The following ADAMTSL1 variants were observed in gnomAD, a reference collection of about 807,000 sequenced individuals.
ADAMTSL1 encodes the protein ADAMTS-like protein 1.
In ADAMTSL1, 126 loss-of-function variants were observed where a neutral mutation model predicts 201.8. The observed-to-expected ratio is 0.62, with a 90% CI of 0.54 to 0.72. The LOEUF is 0.72. Ranked by LOEUF, ADAMTSL1 falls within the 30% of genes least tolerant of loss-of-function variation. ADAMTSL1 has a pLI of 0.00. For synonymous variants in ADAMTSL1, 1,121 were observed against 903.4 expected, an observed-to-expected ratio of 1.24 and a Z score of -4.32; for missense variants, 2,679 against 2,277.8, an observed-to-expected ratio of 1.18 and a Z score of -3.59.
intron 1 of ADAMTSL1, among the ~76,000 whole-genome samples, chr9:18,479,162 A>C (rs1044445676): frequency 2.0e-5 from 3 of 152,192 alleles, no homozygotes; most frequent in Non-Finnish European, 4.4e-5. Context: ...CCGAACTTCA[A>C]GATTAAAACC....
chr9:18,462,381 G>T (rs563695299), intron 2 of ADAMTSL1, among the ~76,000 whole-genome samples: 1 of 152,238 alleles, frequency 6.6e-6, no homozygotes, highest in East Asian at 1.9e-4. Context: ...GCTACATACT[G>T]GGGTACAGTG....
At chr9:18,546,277 C>A (rs1446618392) in intron 3 of ADAMTSL1, among the ~76,000 whole-genome samples, 1 of 152,006 alleles carries the variant, frequency 6.6e-6, no homozygotes, top group African/African-American at 2.4e-5. Flanking sequence ...ATATGGTCAT[C>A]ACAGTGGGAA....
At chr9:18,134,130 C>T (rs1826061071) in intron 1 of ADAMTSL1, among the ~76,000 whole-genome samples, 5 of 152,278 alleles carry the variant, frequency 3.3e-5, no homozygotes, top group East Asian at 1.9e-4. Flanking sequence ...TAGTTTGGCA[C>T]AGTGCAATTC....
chr9:18,855,836 A>ATG (rs1336676680), intron 23 of ADAMTSL1, among the ~76,000 whole-genome samples: 1 of 152,168 alleles, frequency 6.6e-6, no homozygotes, highest in Non-Finnish European at 1.5e-5. Flanking sequence ...ATTGTGTGTA[A>ATG]TGTGTGACTC....
chr9:18,042,581 T>A (rs1221450981), intron 1 of ADAMTSL1, among the ~76,000 whole-genome samples: 1 of 152,170 alleles, frequency 6.6e-6, no homozygotes, highest in Admixed American at 6.6e-5. Context: ...TGCTACTCTA[T>A]TCTGCCTCTG....
chr9:18,669,605 C>G (rs150172878), intron 9 of ADAMTSL1, among the ~76,000 whole-genome samples: 1 of 152,210 alleles, frequency 6.6e-6, no homozygotes, highest in East Asian at 1.9e-4. Context: ...CAACGTGCCT[C>G]TGTAAATGTT....
intron 2 of ADAMTSL1, among the ~76,000 whole-genome samples, chr9:18,178,362 G>C (rs1462231832): frequency 6.6e-6 from 1 of 152,218 alleles, no homozygotes. Context: ...CCTGCACCTG[G>C]CTCGGAGGGT....
intron 2 of ADAMTSL1, among the ~76,000 whole-genome samples, chr9:18,430,856 T>C (rs1819456705): frequency 6.6e-6 from 1 of 152,190 alleles, no homozygotes; most frequent in African/African-American, 2.4e-5. Context: ...GTAAGTACTT[T>C]TAATTGGGCA....
intron 23 of ADAMTSL1, among the ~76,000 whole-genome samples, chr9:18,886,284 G>A (rs4977457): frequency 6.7e-6 from 1 of 148,296 alleles, no homozygotes; most frequent in South Asian, 2.1e-4. Context: ...TGGACATGGT[G>A]GTGCACACCT....
At chr9:18,490,943 G>A (rs909294697) in intron 1 of ADAMTSL1, among the ~76,000 whole-genome samples, 2 of 152,190 alleles carry the variant, frequency 1.3e-5, no homozygotes, top group Admixed American at 6.5e-5. Context: ...GAAAGGAAGG[G>A]AGGCAGGAGA....
intron 2 of ADAMTSL1, among the ~76,000 whole-genome samples, chr9:18,466,837 G>C (rs992567420): frequency 1.8e-4 from 27 of 152,198 alleles, no homozygotes; most frequent in Middle Eastern, 6.8e-3. Context: ...TAAAATTGAA[G>C]ACCATACAGT....
chr9:18,347,769 A>G (rs1206076049), intron 2 of ADAMTSL1, among the ~76,000 whole-genome samples: 2 of 152,142 alleles, frequency 1.3e-5, no homozygotes, highest in African/African-American at 4.8e-5. Context: ...CAATGGGTCC[A>G]CCATTGTGCT....
At chr9:18,429,232 C>T (rs1011178449) in intron 2 of ADAMTSL1, among the ~76,000 whole-genome samples, 5 of 152,128 alleles carry the variant, frequency 3.3e-5, no homozygotes, top group African/African-American at 1.2e-4. Flanking sequence ...ACATTACTCT[C>T]TACTTGGAAA....
At chr9:18,573,058 G>T (rs1271596722) in intron 3 of ADAMTSL1, among the ~76,000 whole-genome samples, 2 of 152,086 alleles carry the variant, frequency 1.3e-5, no homozygotes, top group Non-Finnish European at 2.9e-5. Context: ...AATGGCCATT[G>T]TTAGCCATAG....
chr9:17,938,410 AC>A (rs1827098806), intron 1 of ADAMTSL1, among the ~76,000 whole-genome samples: 1 of 152,024 alleles, frequency 6.6e-6, no homozygotes, highest in Admixed American at 6.6e-5. Context: ...TCAAAGAGAT[AC>A]CCCCAGGTAC....
chr9:18,284,967 T>C (rs73643218), intron 2 of ADAMTSL1, among the ~76,000 whole-genome samples: 5,094 of 152,274 alleles, frequency 0.033, 298 homozygotes, highest in African/African-American at 0.12. Flanking sequence ...TTGGTCACTT[T>C]CAATGTTTTT....
At position 18,580,654 on chromosome 9, in the gene ADAMTSL1, A is replaced by T. The variant is rs1490400965; in HGVS notation, c.474+6388A>T. Among the ~76,000 whole-genome samples, 3 of 152,334 alleles carry T rather than the reference A, an allele frequency of 2.0e-5. No homozygotes were observed. The East Asian group carries it at 5.8e-4, about 29-fold the overall frequency. On this transcript the variant is annotated intron_variant, in intron 4 of 28. Coordinates refer to ENST00000380548, the MANE Select transcript of ADAMTSL1 (RefSeq NM_001040272.6). Reference sequence around the variant, plus strand: ...CTGCTGTATGTTGATTATTGAGGATATAAAATTGATTAAGATCTCTTTCCA... The same window carrying T: ...CTGCTGTATGTTGATTATTGAGGATTTAAAATTGATTAAGATCTCTTTCCA...
At chr9:17,919,610 A>G (rs1826228597) in intron 1 of ADAMTSL1, among the ~76,000 whole-genome samples, 1 of 152,008 alleles carries the variant, frequency 6.6e-6, no homozygotes, top group Non-Finnish European at 1.5e-5. Flanking sequence ...ACTTAACATA[A>G]TGTGTTTAAG....
At chr9:18,290,661 A>G (rs1833215025) in intron 2 of ADAMTSL1, among the ~76,000 whole-genome samples, 1 of 152,052 alleles carries the variant, frequency 6.6e-6, no homozygotes, top group African/African-American at 2.4e-5. Flanking sequence ...GCCATCTAGT[A>G]TTAGACTAGA....
Sources: gnomAD v4.1 joint callset for allele counts (sites outside exome capture counted in the v4.1 genomes callset) on GRCh38, gnomAD v4.1.1 for gene constraint, MANE v1.5 for transcripts, NCBI Gene and HGNC (gene_info 2026-07-23, HGNC 2026-07-21) for gene names.